The following TEAD4 variants were observed in gnomAD, a reference collection of about 807,000 sequenced individuals.
The protein encoded by TEAD4 is TEA domain transcription factor 4.
In TEAD4, 36 loss-of-function variants were observed where a neutral mutation model predicts 52.4. The ratio of observed to expected loss-of-function variants is 0.69; its 90% confidence interval spans 0.53 to 0.91. TEAD4 has a LOEUF of 0.91. Ranked by LOEUF, TEAD4 falls within the 40% of genes least tolerant of loss-of-function variation. TEAD4 has a pLI of 0.00. For missense variants in TEAD4, 508 were observed against 583.9 expected, an observed-to-expected ratio of 0.87 and a Z score of 1.34; for synonymous variants, 220 against 231.0, an observed-to-expected ratio of 0.95 and a Z score of 0.43.
intron 10 of TEAD4, among the ~76,000 whole-genome samples, chr12:3,032,967 C>T (rs1291155263): frequency 6.6e-6 from 1 of 152,238 alleles, no homozygotes; most frequent in Non-Finnish European, 1.5e-5. Context: ...GGCCTGGTCC[C>T]GCCTTCCCCC....
At chr12:3,013,717 G>C (rs1490392322) in intron 5 of TEAD4, among the ~76,000 whole-genome samples, 1 of 152,124 alleles carries the variant, frequency 6.6e-6, no homozygotes, top group Non-Finnish European at 1.5e-5. Flanking sequence ...CTGGGCAACA[G>C]AGTGAGACTC....
Position 3,021,885 on chromosome 12 carries a change from A to C in TEAD4, c.765A>C (p.Pro255=). The C allele has an allele frequency of 6.2e-7, 1 of 1,614,244 alleles. No homozygotes were observed. The highest frequency in any genetic ancestry group is 8.5e-7 in the Non-Finnish European group (1 of 1,180,050). Reference sequence around the variant, plus strand: ...TCGTGCACATTGGCCAGTCCAGCCCAAGCTACAGCGACCCCTACCTCGAAG... The same window carrying C: ...TCGTGCACATTGGCCAGTCCAGCCCCAGCTACAGCGACCCCTACCTCGAAG... Residue 255 remains proline, a synonymous_variant, in exon 10 of 13, where the codon CCA becomes CCC. Coordinates refer to ENST00000359864, the MANE Select transcript of TEAD4 (RefSeq NM_003213.4).
At chr12:2,979,083 T>G (rs1187882729) in intron 2 of TEAD4, among the ~76,000 whole-genome samples, 2 of 151,868 alleles carry the variant, frequency 1.3e-5, no homozygotes, top group African/African-American at 4.8e-5. Flanking sequence ...GCCCGGCTAA[T>G]TTTTGTATTT....
chr12:3,017,281 T>A, intron 5 of TEAD4, 117 bp from the exon 6 acceptor site: 2 of 1,352,612 alleles, frequency 1.5e-6, no homozygotes, highest in South Asian at 2.5e-5. Context: ...TAACGCCTGG[T>A]CCCCCAGCTC....
intron 3 of TEAD4, among the ~76,000 whole-genome samples, chr12:3,005,766 T>C (rs944059826): frequency 2.0e-5 from 3 of 152,210 alleles, no homozygotes; most frequent in Non-Finnish European, 2.9e-5. Context: ...CCCAAAGTGC[T>C]GGAATTATAG....
intron 3 of TEAD4, among the ~76,000 whole-genome samples, chr12:2,998,207 T>C (rs1466415657): frequency 3.3e-5 from 5 of 152,180 alleles, no homozygotes; most frequent in African/African-American, 1.2e-4. Context: ...TAATATTCCA[T>C]TGTATAGACC....
At chr12:2,963,221 T>G (rs1283582071) in intron 2 of TEAD4, among the ~76,000 whole-genome samples, 2 of 152,196 alleles carry the variant, frequency 1.3e-5, no homozygotes, top group African/African-American at 4.8e-5. Flanking sequence ...CTCCTTTGAT[T>G]TCCACTCTGG....
intron 10 of TEAD4, among the ~76,000 whole-genome samples, chr12:3,029,386 C>T (rs373355030): frequency 1.3e-5 from 2 of 151,920 alleles, no homozygotes; most frequent in African/African-American, 4.8e-5. Context: ...TTCAGGCGCC[C>T]GCCACCACGC....
At chr12:3,018,905 G>T (rs116836913) in intron 7 of TEAD4, among the ~76,000 whole-genome samples, 2 of 151,998 alleles carry the variant, frequency 1.3e-5, no homozygotes, top group Non-Finnish European at 2.9e-5. Flanking sequence ...GGAGAGGGAG[G>T]GGTGGATTTC....
intron 2 of TEAD4, among the ~76,000 whole-genome samples, chr12:2,974,060 T>C (rs1279356056): frequency 2.0e-5 from 3 of 151,960 alleles, no homozygotes; most frequent in African/African-American, 4.8e-5. Flanking sequence ...CAGACCGGAG[T>C]GTAGTGTCAC....
intron 2 of TEAD4, among the ~76,000 whole-genome samples, chr12:2,981,530 A>AC (rs2098234115): frequency 6.6e-6 from 1 of 151,858 alleles, no homozygotes; most frequent in African/African-American, 2.4e-5. Flanking sequence ...ACCTACCTCC[A>AC]CCCAAGCCTC....
chr12:3,019,087 G>A, intron 7 of TEAD4, 28 bp from the exon 8 acceptor site: 1 of 1,613,760 alleles, frequency 6.2e-7, no homozygotes, highest in Non-Finnish European at 8.5e-7. Context: ...GCCCGAGGCT[G>A]ACACCTCCCC....
At chr12:2,987,334 A>G (rs192092320) in intron 2 of TEAD4, among the ~76,000 whole-genome samples, 1 of 152,298 alleles carries the variant, frequency 6.6e-6, no homozygotes, top group African/African-American at 2.4e-5. Context: ...GAATATGGAG[A>G]AAGGAAGCCT....
chr12:3,033,507 C>T (rs952715282), intron 10 of TEAD4, among the ~76,000 whole-genome samples: 8 of 152,228 alleles, frequency 5.3e-5, no homozygotes, highest in African/African-American at 1.9e-4. Flanking sequence ...CAGAGCCGGG[C>T]TGCACCGTGG....
chr12:2,989,220 G>A (rs2098241132), intron 2 of TEAD4, among the ~76,000 whole-genome samples: 1 of 152,074 alleles, frequency 6.6e-6, no homozygotes, highest in Non-Finnish European at 1.5e-5. Flanking sequence ...GAGATTATAG[G>A]TATGAGCCAC....
At chr12:3,021,563 G>A (rs1565547212) in intron 9 of TEAD4, among the ~76,000 whole-genome samples, 2 of 152,084 alleles carry the variant, frequency 1.3e-5, no homozygotes, top group Non-Finnish European at 2.9e-5. Flanking sequence ...CACCCACTTC[G>A]GCCTCCCAAA....
chr12:3,031,794 C>A (rs745652363), intron 10 of TEAD4, among the ~76,000 whole-genome samples: 3 of 152,228 alleles, frequency 2.0e-5, no homozygotes, highest in Non-Finnish European at 4.4e-5. Context: ...TTGCCCAGTT[C>A]ATAGTACCAG....
At chr12:2,998,548 T>C (rs569064787) in intron 3 of TEAD4, among the ~76,000 whole-genome samples, 2 of 151,622 alleles carry the variant, frequency 1.3e-5, no homozygotes, top group Non-Finnish European at 2.9e-5. Context: ...CGGGAGGGCC[T>C]GGAGGAAGAG....
At position 2,975,324 on chromosome 12, in the gene TEAD4, C is replaced by T. The variant is rs114959195; in HGVS notation, c.-30+15284C>T. On this transcript the variant is annotated intron_variant, in intron 2 of 12. Coordinates refer to ENST00000359864, the MANE Select transcript of TEAD4 (RefSeq NM_003213.4). Reference sequence around the variant, plus strand: ...TCTTGCATTTGTTGCAATTGATGTACATTTGTTGCAATTAATGAGTCAATA... The same window carrying T: ...TCTTGCATTTGTTGCAATTGATGTATATTTGTTGCAATTAATGAGTCAATA... 1.1e-3 allele frequency among the ~76,000 whole-genome samples: 174 copies of T among 151,702 alleles called. 1 individual carries two copies. The highest frequency in any genetic ancestry group is 4.0e-3 in the African/African-American group (167 of 41,360).
Sources: gnomAD v4.1 joint callset for allele counts (sites outside exome capture counted in the v4.1 genomes callset) on GRCh38, gnomAD v4.1.1 for gene constraint, MANE v1.5 for transcripts, NCBI Gene and HGNC (gene_info 2026-07-23, HGNC 2026-07-21) for gene names.